ZFP1: variants seen among roughly 807,000 people sequenced by gnomAD.
ZFP1 encodes the protein ZFP1 zinc finger protein.
ZFP1 carries 32 observed loss-of-function variants against 38.5 expected under a neutral mutation model. The observed-to-expected ratio is 0.83, with a 90% CI of 0.63 to 1.12. ZFP1 has a LOEUF of 1.12. Ranked by LOEUF, ZFP1 falls within the 50% of genes most tolerant of loss-of-function variation. ZFP1 has a pLI of 0.00. For synonymous variants in ZFP1, 245 were observed against 168.8 expected (o/e 1.45, Z -3.50); for missense variants, 616 against 480.8 (o/e 1.28, Z -2.63).
chr16:75,170,292 A>T lies in ZFP1; in HGVS notation c.1182A>T (p.Arg394=). The change falls in exon 4 of 4, where the codon CGA becomes CGT. Residue 394 remains arginine, a synonymous_variant. Transcript: ENST00000570010. ...ECGKAFSRKS[R]LSVHQRVHIG... is the part of the protein sequence containing the mutation. Reference sequence around the variant, plus strand: ...GGAAGGCCTTTAGCAGGAAGTCCCGACTCAGTGTCCATCAGAGAGTTCACA... The same window carrying T: ...GGAAGGCCTTTAGCAGGAAGTCCCGTCTCAGTGTCCATCAGAGAGTTCACA... The T allele has an allele frequency of 6.2e-7, 1 of 1,607,786 alleles. No homozygotes were observed. The highest frequency in any genetic ancestry group is 8.5e-7 in the Non-Finnish European group (1 of 1,176,588).
the ZFP1 span, among the ~76,000 whole-genome samples, chr16:75,123,328 T>C: frequency 6.6e-6 from 1 of 150,416 alleles, no homozygotes; most frequent in South Asian, 2.1e-4. Flanking sequence ...CACTCCAGCC[T>C]GGGCGACACA....
At chr16:75,148,886 T>A (rs997854874) in intron 1 of ZFP1, 4 of 152,110 alleles carry the variant, frequency 2.6e-5, no homozygotes, top group African/African-American at 9.7e-5. Flanking sequence ...GGCTTCGCCT[T>A]CTTCTCTTTG....
chr16:75,146,649 C>T (rs557770735), upstream of ZFP1, among the ~76,000 whole-genome samples: 1 of 152,184 alleles, frequency 6.6e-6, no homozygotes, highest in Admixed American at 6.5e-5. Context: ...AGCACTAAAA[C>T]GAACTGAGGC....
At chr16:75,163,853 C>G (rs879831459) in intron 2 of ZFP1, among the ~76,000 whole-genome samples, 15 of 152,186 alleles carry the variant, frequency 9.9e-5, no homozygotes, top group Non-Finnish European at 1.9e-4. Context: ...TCAAGCAGTC[C>G]TCCTGCGTCA....
chr16:75,121,345 T>C, the ZFP1 span, among the ~76,000 whole-genome samples: 1 of 152,080 alleles, frequency 6.6e-6, no homozygotes, highest in Non-Finnish European at 1.5e-5. Context: ...CAGGATGGTT[T>C]CGATCTCCTG....
rs11417475 is a variant in ZFP1, at chr16:75,167,396, CT to C, written c.142+511del. The stretch of plus-strand genomic sequence containing the variant: ...CAAATATCCGTCTCTCCCTGCTTAC[CT>C]TTTTTTTTTTCCTGTTTAATCTTAT... On this transcript the variant is annotated intron_variant, in intron 3 of 3. Coordinates refer to ENST00000570010, the MANE Select transcript of ZFP1 (RefSeq NM_153688.4). Among the ~76,000 whole-genome samples the C allele has an allele frequency of 3.8e-4, 57 of 148,648 alleles. 1 individual carries two copies. The highest frequency in any genetic ancestry group is 3.6e-3 in the Middle Eastern group (1 of 280).
At chr16:75,161,758 AT>A in intron 2 of ZFP1, among the ~76,000 whole-genome samples, 1 of 8,114 alleles carries the variant, frequency 1.2e-4, no homozygotes, top group Non-Finnish European at 2.2e-4. Flanking sequence ...GTTTTATGAA[AT>A]ATATATATAT....
intron 1 of ZFP1, among the ~76,000 whole-genome samples, chr16:75,150,027 C>G (rs1475685980): frequency 6.6e-6 from 1 of 151,828 alleles, no homozygotes; most frequent in Non-Finnish European, 1.5e-5. Flanking sequence ...TCAAGTGATT[C>G]TCCCGCCTTG....
At chr16:75,119,636 G>A in the ZFP1 span, 1 of 152,134 alleles carries the variant, frequency 6.6e-6, no homozygotes, top group African/African-American at 2.4e-5. Context: ...ACAACCAGCT[G>A]GTCTTAATTT....
Position 75,169,276 on chromosome 16 carries a change from A to G in ZFP1, c.166A>G (p.Met56Val), listed in dbSNP as rs1567542198. Reference protein sequence around the residue: ...SVEVWKADDQMERDHRNPDEQ... With the variant: ...SVEVWKADDQVERDHRNPDEQ... ...AGAAGTGTGGAAGGCTGATGACCAG[A>G]TGGAGAGAGACCACAGAAACCCAGA... Residue 56 changes from methionine to valine, a missense_variant, in exon 4 of 4, where the codon ATG (methionine) becomes GTG (valine). By Grantham distance (21) the Met-to-Val change is conservative (BLOSUM62 1). Transcript: ENST00000570010. The G allele has an allele frequency of 1.2e-6, 2 of 1,613,082 alleles. No individual in the cohort carries two copies. The highest frequency in any genetic ancestry group is 1.7e-4 in the Middle Eastern group (1 of 6,048).
intron 1 of ZFP1, among the ~76,000 whole-genome samples, chr16:75,149,865 G>A (rs903133822): frequency 6.6e-6 from 1 of 151,990 alleles, no homozygotes; most frequent in African/African-American, 2.4e-5. Flanking sequence ...GAGTGCAGTG[G>A]CACTCAGCTC....
the ZFP1 span, among the ~76,000 whole-genome samples, chr16:75,132,069 T>C: frequency 6.6e-6 from 1 of 152,114 alleles, no homozygotes; most frequent in East Asian, 1.9e-4. Context: ...TCCCCCTTCC[T>C]TTTTTCATGG....
the ZFP1 span, among the ~76,000 whole-genome samples, chr16:75,137,607 G>T: frequency 6.6e-6 from 1 of 151,254 alleles, no homozygotes; most frequent in Non-Finnish European, 1.5e-5. Flanking sequence ...GGGACTACAG[G>T]CGCCCACCAC....
intron 2 of ZFP1, among the ~76,000 whole-genome samples, chr16:75,161,574 C>G (rs979415639): frequency 1.3e-5 from 2 of 150,618 alleles, no homozygotes; most frequent in Non-Finnish European, 3.0e-5. Context: ...CTGGTGTAGT[C>G]AAGAGGTCTG....
At chr16:75,121,033 A>T in the ZFP1 span, among the ~76,000 whole-genome samples, 60 of 152,202 alleles carry the variant, frequency 3.9e-4, no homozygotes, top group African/African-American at 1.3e-3. Context: ...TTCTAACCTC[A>T]TAATAAGTGT....
Position 75,153,535 on chromosome 16 carries a change from A to G in ZFP1, c.15+569A>G, listed in dbSNP as rs568437259. 5.3e-4 allele frequency among the ~76,000 whole-genome samples: 80 copies of G among 152,286 alleles called. 1 individual carries two copies. Among genetic ancestry groups the G allele is most frequent in the African/African-American group, 1.9e-3 (78 of 41,556 alleles). On this transcript the variant is annotated intron_variant, in intron 2 of 3. Transcript: ENST00000570010. ...GTTCTGTTTATATGCGTTCTGTTTT[A>G]ATAGATTTCATTTTTTTTAGAGCAG...
the ZFP1 span, among the ~76,000 whole-genome samples, chr16:75,124,194 G>T: frequency 6.7e-6 from 1 of 149,014 alleles, no homozygotes. Context: ...CAAGAGTCTT[G>T]CTCTGTTGCC....
the ZFP1 span, among the ~76,000 whole-genome samples, chr16:75,130,827 T>G: frequency 4.3e-4 from 66 of 152,012 alleles, no homozygotes; most frequent in African/African-American, 1.5e-3. Context: ...CTTTTTTTTT[T>G]TTTGGTTGAC....
At chr16:75,143,144 C>A in the ZFP1 span, among the ~76,000 whole-genome samples, 4 of 151,976 alleles carry the variant, frequency 2.6e-5, no homozygotes, top group Non-Finnish European at 5.9e-5. Context: ...TTTTCAACAA[C>A]TAAATGGCAA....
Sources: allele counts gnomAD v4.1 joint callset (sites outside exome capture counted in the v4.1 genomes callset), GRCh38; gene constraint gnomAD v4.1.1; transcripts MANE v1.5; gene names NCBI Gene and HGNC (gene_info 2026-07-23, HGNC 2026-07-21).